SLC39A8: variants seen among roughly 807,000 people sequenced by gnomAD.
SLC39A8 encodes solute carrier family 39 member 8.
Under a neutral mutation model 40.4 loss-of-function variants are expected in SLC39A8, and 15 were observed. That is an observed-to-expected ratio of 0.37 (90% confidence interval 0.25 to 0.57). The LOEUF is 0.57. Among genes scored for constraint, SLC39A8 ranks in the 20% least tolerant of loss-of-function variants. The pLI is 0.75. For synonymous variants in SLC39A8, 223 were observed against 221.6 expected (o/e 1.01, Z -0.06); for missense variants, 472 against 558.8 (o/e 0.84, Z 1.57).
At position 102,323,954 on chromosome 4, in the gene SLC39A8, G is replaced by C. The variant is rs200226797; in HGVS notation, c.220-8124C>G. ...AACCATATTTAGGATCCCACTCAGA[G>C]ACAGACTTCAAAAATAACCCTACAA... On this transcript the variant is annotated intron_variant, in intron 2 of 8. Transcript: ENST00000356736. Among the ~76,000 whole-genome samples, 7 of 152,264 alleles carry C rather than the reference G, an allele frequency of 4.6e-5. No individual in the cohort carries two copies. In the East Asian group the frequency reaches 9.6e-4, roughly 21 times the overall value.
chr4:102,338,509 G>C (rs1735777230), intron 2 of SLC39A8, among the ~76,000 whole-genome samples: 1 of 152,036 alleles, frequency 6.6e-6, no homozygotes, highest in African/African-American at 2.4e-5. Flanking sequence ...TTAATTATAA[G>C]GTCTCTGAGG....
chr4:102,309,451 T>C (rs547604585), intron 3 of SLC39A8, among the ~76,000 whole-genome samples: 2 of 152,170 alleles, frequency 1.3e-5, no homozygotes, highest in South Asian at 4.1e-4. Flanking sequence ...TTTATTACCT[T>C]ATCACCTTAA....
At chr4:102,275,819 G>A (rs1732592205) in intron 6 of SLC39A8, among the ~76,000 whole-genome samples, 1 of 152,120 alleles carries the variant, frequency 6.6e-6, no homozygotes. Flanking sequence ...TTAGAACTCA[G>A]GATTAAGAAA....
chr4:102,333,697 G>A (rs1435890544), intron 2 of SLC39A8, among the ~76,000 whole-genome samples: 7 of 152,138 alleles, frequency 4.6e-5, no homozygotes, highest in Non-Finnish European at 8.8e-5. Context: ...AGCTGGGTGC[G>A]CAAGGCTGAA....
intron 2 of SLC39A8, among the ~76,000 whole-genome samples, chr4:102,342,179 C>T (rs1246858070): frequency 1.3e-5 from 2 of 152,212 alleles, no homozygotes; most frequent in African/African-American, 4.8e-5. Flanking sequence ...CATCATTTAA[C>T]CAATGATTAT....
chr4:102,304,480 T>C lies in SLC39A8; in HGVS notation c.677A>G (p.Asn226Ser), dbSNP rs1560549639. 4 of 1,608,090 alleles carry C rather than the reference T, an allele frequency of 2.5e-6. No individual in the cohort carries two copies. The highest frequency in any genetic ancestry group is 3.4e-6 in the Non-Finnish European group (4 of 1,176,734). The change falls in exon 6 of 9, where the codon AAT becomes AGT. Residue 226 changes from asparagine to serine, a missense_variant and splice_region_variant. Coordinates refer to ENST00000356736, the MANE Select transcript of SLC39A8 (RefSeq NM_001135146.2). Reference sequence around the variant, plus strand: ...ATCATTTCCAAAGTGGGTATGACCATTCTATATGGGAACAAAAACCAAAGA... The same window carrying C: ...ATCATTTCCAAAGTGGGTATGACCACTCTATATGGGAACAAAAACCAAAGA... ...LKMLLKTYGQNGHTHFGNDNF... is the reference protein window; with the variant it reads ...LKMLLKTYGQSGHTHFGNDNF...
At chr4:102,261,608 C>T (rs1731861709), downstream of SLC39A8, 1 of 717,492 alleles carries the variant, frequency 1.4e-6, no homozygotes. Flanking sequence ...CCCCATAATA[C>T]CAGATACATG....
chr4:102,309,623 T>C (rs569621208), intron 3 of SLC39A8, among the ~76,000 whole-genome samples: 2 of 152,196 alleles, frequency 1.3e-5, no homozygotes, highest in East Asian at 3.9e-4. Flanking sequence ...TATAATCTCA[T>C]TGGGTAGACA....
intron 6 of SLC39A8, among the ~76,000 whole-genome samples, chr4:102,301,177 T>C (rs1733908502): frequency 1.3e-5 from 2 of 152,002 alleles, no homozygotes; most frequent in South Asian, 2.1e-4. Flanking sequence ...GTAGTTTACC[T>C]AGGTTTATAA....
At chr4:102,298,117 T>C (rs558908616) in intron 6 of SLC39A8, among the ~76,000 whole-genome samples, 2 of 151,902 alleles carry the variant, frequency 1.3e-5, no homozygotes, top group African/African-American at 4.8e-5. Context: ...TTCCAAATCA[T>C]CATCTCAGTC....
In SLC39A8 at chr4:102,304,972, A is replaced by C. The variant is rs759240534; in HGVS notation, c.675+17T>G. 1 of 1,583,444 alleles carries C rather than the reference A, an allele frequency of 6.3e-7. No homozygotes were observed. The highest frequency in any genetic ancestry group is 8.6e-7 in the Non-Finnish European group (1 of 1,161,542). On this transcript the variant is annotated intron_variant, in intron 5 of 8. Coordinates refer to ENST00000356736, the MANE Select transcript of SLC39A8 (RefSeq NM_001135146.2). ...TAGGGGGTAAAATATTGGATGTTTTAAATAAAGTCCATTTACCTGACCATA... is the reference window on the plus strand; with the variant it reads ...TAGGGGGTAAAATATTGGATGTTTTCAATAAAGTCCATTTACCTGACCATA...
At chr4:102,342,119 A>G (rs1320527564) in intron 2 of SLC39A8, among the ~76,000 whole-genome samples, 1 of 152,202 alleles carries the variant, frequency 6.6e-6, no homozygotes, top group East Asian at 1.9e-4. Context: ...GCTCAAGTCC[A>G]TCACTTACCA....
chr4:102,304,504 G>A (rs1217830733), intron 5 of SLC39A8, 23 bp from the exon 6 acceptor site: 1 of 1,581,162 alleles, frequency 6.3e-7, no homozygotes, highest in Non-Finnish European at 8.6e-7. Flanking sequence ...AAAAACCAAA[G>A]AGATTATAAG....
At chr4:102,340,049 GTGCAT>G (rs1417950372) in intron 2 of SLC39A8, among the ~76,000 whole-genome samples, 8 of 152,062 alleles carry the variant, frequency 5.3e-5, no homozygotes, top group Admixed American at 5.2e-4. Flanking sequence ...TCACTGTTTC[GTGCAT>G]TATAATTATA....
intron 6 of SLC39A8, among the ~76,000 whole-genome samples, chr4:102,293,321 T>G (rs972770235): frequency 6.6e-6 from 1 of 152,000 alleles, no homozygotes; most frequent in Non-Finnish European, 1.5e-5. Context: ...GCATTCCTAT[T>G]AAAGTTGGAA....
intron 2 of SLC39A8, among the ~76,000 whole-genome samples, chr4:102,339,344 T>C (rs1578632701): frequency 6.7e-6 from 1 of 149,776 alleles, no homozygotes; most frequent in African/African-American, 2.4e-5. Flanking sequence ...AAAGAACAAA[T>C]GTTCTTTATC....
chr4:102,253,532 C>T (rs921848172), intron 11 of SLC39A8: 15 of 575,856 alleles, frequency 2.6e-5, no homozygotes, highest in Admixed American at 8.9e-5. Flanking sequence ...TCTCCTTTTT[C>T]CTAATCACAT....
chr4:102,341,824 A>T (rs1735958943), intron 2 of SLC39A8, among the ~76,000 whole-genome samples: 1 of 152,232 alleles, frequency 6.6e-6, no homozygotes, highest in South Asian at 2.1e-4. Context: ...TTACCTGAGA[A>T]AAGCTGACCT....
intron 6 of SLC39A8, among the ~76,000 whole-genome samples, chr4:102,271,499 G>C (rs1218372246): frequency 6.6e-6 from 1 of 152,172 alleles, no homozygotes; most frequent in African/African-American, 2.4e-5. Flanking sequence ...TCTCCTACCA[G>C]GGGGAATCTG....
Sources: gnomAD v4.1 joint callset for allele counts (sites outside exome capture counted in the v4.1 genomes callset) on GRCh38, gnomAD v4.1.1 for gene constraint, MANE v1.5 for transcripts, NCBI Gene and HGNC (gene_info 2026-07-23, HGNC 2026-07-21) for gene names.